Variants in IL3RA observed in about 807,000 individuals in gnomAD.
IL3RA encodes interleukin-3 receptor subunit alpha.
A neutral mutation model predicts 52.3 loss-of-function variants in IL3RA; 73 were observed. The ratio of observed to expected loss-of-function variants is 1.40; its 90% CI spans 1.16 to 1.70. The LOEUF (loss-of-function observed/expected upper bound fraction) is 1.70, where lower values mean the gene tolerates loss of function less well. IL3RA is among the 40% of genes most tolerant of loss of function. IL3RA has a pLI of 0.00. For synonymous variants in IL3RA, 260 were observed against 194.0 expected (o/e 1.34, Z -2.83); for missense variants, 664 against 504.4 (o/e 1.32, Z -3.03).
chrX:1,382,620 G>A lies in IL3RA; in HGVS notation c.*155G>A. On this transcript the variant is annotated 3_prime_UTR_variant, in exon 12 of 12. Transcript: ENST00000331035. ...AGATGCCTGTGTAATTTCGTCCGAA[G>A]CTGCCAGGAAGAAGAACAGAACTTT... The A allele has an allele frequency of 1.4e-6, 1 of 694,990 alleles. No individual in the cohort carries two copies. The highest frequency in any genetic ancestry group is 2.6e-6 in the Non-Finnish European group (1 of 385,540). 43.1% of individuals were successfully genotyped at this position (694,990 alleles called of 1,614,324 possible).
chrX:1,352,730 G>GGA (rs1458372762), intron 6 of IL3RA, among the ~76,000 whole-genome samples: 7 of 151,898 alleles, frequency 4.6e-5, no homozygotes, highest in South Asian at 2.1e-4. Context: ...TTCACGTGGT[G>GGA]TAGAGAGAGA....
chrX:1,362,210 C>G (rs1464138611), intron 8 of IL3RA, among the ~76,000 whole-genome samples: 1 of 151,774 alleles, frequency 6.6e-6, no homozygotes, highest in African/African-American at 2.4e-5. Context: ...GTTTCTGTCT[C>G]TCTCTCTGTC....
At chrX:1,346,024 C>G (rs1480588383) in intron 3 of IL3RA, among the ~76,000 whole-genome samples, 1 of 151,964 alleles carries the variant, frequency 6.6e-6, no homozygotes, top group African/African-American at 2.4e-5. Context: ...GGTGCGAAAC[C>G]CAACCCCACG....
At chrX:1,344,427 C>A (rs770794792) in intron 2 of IL3RA, among the ~76,000 whole-genome samples, 1 of 149,756 alleles carries the variant, frequency 6.7e-6, no homozygotes, top group African/African-American at 2.5e-5. Context: ...GAGTGAGACT[C>A]CGTCTCAAAA....
chrX:1,377,897 A>G (rs2088898100), intron 9 of IL3RA, among the ~76,000 whole-genome samples: 3 of 151,192 alleles, frequency 2.0e-5, no homozygotes, highest in Admixed American at 2.0e-4. Flanking sequence ...GAAAAAAGAA[A>G]AAAAATAGGC....
At chrX:1,340,823 A>G (rs1307960636) in intron 1 of IL3RA, among the ~76,000 whole-genome samples, 1 of 152,128 alleles carries the variant, frequency 6.6e-6, no homozygotes, top group Non-Finnish European at 1.5e-5. Context: ...CTACTAAAAA[A>G]TACAAAAAGT....
intron 8 of IL3RA, among the ~76,000 whole-genome samples, chrX:1,364,789 C>T (rs868632792): frequency 7.0e-6 from 1 of 143,348 alleles, no homozygotes; most frequent in African/African-American, 2.6e-5. Flanking sequence ...CTCTTTTCTT[C>T]TTTTATTTAT....
chrX:1,367,163 G>A (rs2088144592), intron 9 of IL3RA, among the ~76,000 whole-genome samples: 1 of 34,930 alleles, frequency 2.9e-5, no homozygotes, highest in Non-Finnish European at 4.6e-5. Flanking sequence ...GGGTGCGCGG[G>A]GTGAGCCGGG....
At chrX:1,377,219 C>T (rs1486035486) in intron 9 of IL3RA, among the ~76,000 whole-genome samples, 7 of 152,102 alleles carry the variant, frequency 4.6e-5, no homozygotes, top group Non-Finnish European at 8.8e-5. Context: ...AGAATCAATT[C>T]CTTTTTTCTT....
rs765797448 is a variant in IL3RA at position 1,345,301 on chromosome X, C to T, written c.65-15C>T. On this transcript the variant is annotated splice_polypyrimidine_tract_variant and intron_variant, in intron 2 of 11. Coordinates refer to ENST00000331035, the MANE Select transcript of IL3RA (RefSeq NM_002183.4). The stretch of plus-strand genomic sequence containing the variant: ...CTTACGTATCTCTTCGAACTCCAAC[C>T]TGTCACCGTTTTAGATCCAAACCCA... The T allele has an allele frequency of 2.5e-6, 4 of 1,578,472 alleles. No homozygotes were observed. The African/African-American group carries it at 5.5e-5, about 22-fold the overall frequency.
chrX:1,382,297 C>CCACCGCGCCTGGTCCAA (rs2089220021), intron 11 of IL3RA, 94 bp from the exon 12 acceptor site: 1 of 1,104,158 alleles, frequency 9.1e-7, no homozygotes, highest in Non-Finnish European at 1.4e-6. Flanking sequence ...GCCCACAGAG[C>CCACCGCGCCTGGTCCAA]AGATCTGAGA....
intron 4 of IL3RA, among the ~76,000 whole-genome samples, chrX:1,351,478 G>A (rs770347660): frequency 8.6e-5 from 13 of 151,112 alleles, no homozygotes; most frequent in South Asian, 6.3e-4. Flanking sequence ...ACAGCGGCCC[G>A]ACATCACGCC....
chrX:1,346,476 A>G (rs2085748409), intron 3 of IL3RA, among the ~76,000 whole-genome samples: 2 of 150,854 alleles, frequency 1.3e-5, no homozygotes, highest in African/African-American at 4.9e-5. Flanking sequence ...ATGTGGTGGC[A>G]CATGCCTGTA....
chrX:1,339,341 G>C (rs2085403994), intron 1 of IL3RA, among the ~76,000 whole-genome samples: 1 of 152,190 alleles, frequency 6.6e-6, no homozygotes, highest in Non-Finnish European at 1.5e-5. Context: ...GCCCAGGCAG[G>C]AAGGGGCTCC....
At chrX:1,340,625 C>T (rs1387459326) in intron 1 of IL3RA, among the ~76,000 whole-genome samples, 2 of 152,152 alleles carry the variant, frequency 1.3e-5, no homozygotes, top group Non-Finnish European at 2.9e-5. Flanking sequence ...TGTGTGTACA[C>T]GTGGAATGCA....
chrX:1,363,638 C>T (rs564024599), intron 8 of IL3RA, among the ~76,000 whole-genome samples: 1 of 151,898 alleles, frequency 6.6e-6, no homozygotes, highest in East Asian at 2.0e-4. Flanking sequence ...GCTAAGACTG[C>T]AACATATGAA....
At chrX:1,345,552 C>G in intron 3 of IL3RA, 118 bp downstream of exon 3, 1 of 584,778 alleles carries the variant, frequency 1.7e-6, no homozygotes, top group Admixed American at 3.7e-5. Context: ...TGCGGTGACC[C>G]GATCTCCGCT....
intron 8 of IL3RA, among the ~76,000 whole-genome samples, chrX:1,361,533 C>A (rs1354189630): frequency 2.6e-5 from 4 of 151,908 alleles, no homozygotes; most frequent in Non-Finnish European, 5.9e-5. Context: ...GGGTGGACCA[C>A]GAGGTCAGGA....
chrX:1,339,887 G>C (rs1321013896), intron 1 of IL3RA, among the ~76,000 whole-genome samples: 1 of 152,122 alleles, frequency 6.6e-6, no homozygotes, highest in Admixed American at 6.6e-5. Context: ...GGATGCGGCA[G>C]AAAGTTCCAG....
Sources: gnomAD v4.1 joint callset for allele counts (sites outside exome capture counted in the v4.1 genomes callset) on GRCh38, gnomAD v4.1.1 for gene constraint, MANE v1.5 for transcripts, NCBI Gene and HGNC (gene_info 2026-07-23, HGNC 2026-07-21) for gene names.